Variants in EDIL3 observed in about 807,000 individuals in gnomAD.
EDIL3 encodes EGF like and discoidin domains 3.
EDIL3 carries 37 observed loss-of-function variants against 67.4 expected under a neutral mutation model. The observed-to-expected ratio is 0.55, with a 90% confidence interval of 0.42 to 0.72. The LOEUF is 0.72. Among genes scored for constraint, EDIL3 ranks in the 30% least tolerant of loss-of-function variants. The pLI is 0.00. For synonymous variants in EDIL3, 195 were observed against 196.3 expected (o/e 0.99, Z 0.05); for missense variants, 527 against 586.3 (o/e 0.90, Z 1.04).
At chr5:84,111,833 A>G (rs1434912684) in intron 5 of EDIL3, among the ~76,000 whole-genome samples, 1 of 152,194 alleles carries the variant, frequency 6.6e-6, no homozygotes, top group Non-Finnish European at 1.5e-5. Flanking sequence ...CAGAGAAATA[A>G]GAACATTTTT....
intron 4 of EDIL3, among the ~76,000 whole-genome samples, chr5:84,152,733 A>C (rs1295162890): frequency 6.6e-6 from 1 of 152,208 alleles, no homozygotes; most frequent in Admixed American, 6.5e-5. Context: ...AGGAGGGCTT[A>C]TGTAGTTCTG....
At chr5:84,372,878 A>G (rs1452714626) in intron 1 of EDIL3, among the ~76,000 whole-genome samples, 1 of 152,188 alleles carries the variant, frequency 6.6e-6, no homozygotes, top group Non-Finnish European at 1.5e-5. Flanking sequence ...ATGTGTCAAA[A>G]GCTGTAGGAT....
chr5:84,321,020 T>C (rs542547664), intron 1 of EDIL3, among the ~76,000 whole-genome samples: 83 of 152,314 alleles, frequency 5.4e-4, no homozygotes, highest in African/African-American at 1.9e-3. Flanking sequence ...TAGATATGTT[T>C]TTTCTTTTTA....
intron 9 of EDIL3, among the ~76,000 whole-genome samples, chr5:83,964,513 G>A (rs898448146): frequency 2.6e-5 from 4 of 151,854 alleles, no homozygotes; most frequent in African/African-American, 9.7e-5. Flanking sequence ...GAGATGTAAG[G>A]TAGCCACAAA....
At chr5:84,247,606 T>C (rs1297899803) in intron 2 of EDIL3, among the ~76,000 whole-genome samples, 1 of 152,032 alleles carries the variant, frequency 6.6e-6, no homozygotes, top group Non-Finnish European at 1.5e-5. Context: ...TTAGTGACAA[T>C]ATAGGAGGGT....
intron 6 of EDIL3, among the ~76,000 whole-genome samples, chr5:84,066,982 A>G (rs1171082888): frequency 6.6e-6 from 1 of 152,228 alleles, no homozygotes; most frequent in African/African-American, 2.4e-5. Context: ...TATTGTCAAC[A>G]TAACTATTAA....
chr5:84,219,556 G>T (rs1268471333), intron 3 of EDIL3, among the ~76,000 whole-genome samples: 2 of 152,224 alleles, frequency 1.3e-5, no homozygotes, highest in East Asian at 1.9e-4. Context: ...CAATTTGGAG[G>T]TTCCTCAAAA....
rs113280980 is a variant in EDIL3 at position 84,076,863 on chromosome 5, AAGT to A, written c.652-10260_652-10258del. Reference sequence around the variant, plus strand: ...TCTTTGAAGTAAACATGATACAAAAAAGTAGGGGAAAGGAGTTGTTTACCTTGA... The same window carrying A: ...TCTTTGAAGTAAACATGATACAAAAAAGGGGAAAGGAGTTGTTTACCTTGA... On this transcript the variant is annotated intron_variant, in intron 6 of 10. Coordinates refer to ENST00000296591, the MANE Select transcript of EDIL3 (RefSeq NM_005711.5). Among the ~76,000 whole-genome samples, 87 of 152,296 alleles carry A rather than the reference AAGT, an allele frequency of 5.7e-4. 1 individual carries two copies. The highest frequency in any genetic ancestry group is 2.0e-3 in the African/African-American group (82 of 41,570).
chr5:84,028,732 TG>T (rs1175177771), intron 9 of EDIL3, among the ~76,000 whole-genome samples: 2 of 152,130 alleles, frequency 1.3e-5, no homozygotes, highest in Admixed American at 6.5e-5. Context: ...TATATATTCA[TG>T]TAAACACGGA....
chr5:84,027,374 A>G (rs979292489), intron 9 of EDIL3, among the ~76,000 whole-genome samples: 3 of 152,182 alleles, frequency 2.0e-5, no homozygotes, highest in Non-Finnish European at 1.5e-5. Context: ...GAGAGAGATT[A>G]CAAACACAGC....
chr5:84,089,683 T>G (rs1181370949), intron 6 of EDIL3, among the ~76,000 whole-genome samples: 1 of 152,202 alleles, frequency 6.6e-6, no homozygotes, highest in Non-Finnish European at 1.5e-5. Context: ...AAGTGCCACC[T>G]TAGTCTAAAT....
At chr5:84,348,701 G>A (rs961919521) in intron 1 of EDIL3, among the ~76,000 whole-genome samples, 1 of 151,830 alleles carries the variant, frequency 6.6e-6, no homozygotes, top group Non-Finnish European at 1.5e-5. Flanking sequence ...TTTCCAATGT[G>A]GTAGGTTTCT....
At chr5:84,151,910 T>TC (rs1393107427) in intron 4 of EDIL3, among the ~76,000 whole-genome samples, 2 of 134,356 alleles carry the variant, frequency 1.5e-5, no homozygotes, top group African/African-American at 6.6e-5. Flanking sequence ...TGCTGCTTCT[T>TC]TTTTTTTTTT....
intron 4 of EDIL3, among the ~76,000 whole-genome samples, chr5:84,179,663 G>C (rs1748982076): frequency 6.6e-6 from 1 of 152,042 alleles, no homozygotes; most frequent in South Asian, 2.1e-4. Context: ...CCCTGTCTCT[G>C]ATCAACATTC....
At chr5:84,192,000 A>G (rs904083025) in intron 3 of EDIL3, among the ~76,000 whole-genome samples, 5 of 152,024 alleles carry the variant, frequency 3.3e-5, no homozygotes, top group Non-Finnish European at 7.4e-5. Context: ...CATTAACTTC[A>G]AGCTTTTCGA....
intron 9 of EDIL3, among the ~76,000 whole-genome samples, chr5:84,050,177 G>A (rs13187975): frequency 0.21 from 25,847 of 124,394 alleles, 2,734 homozygotes; most frequent in Middle Eastern, 0.35. Context: ...CAGCCTGGGC[G>A]ACAGAGCGAA....
chr5:84,049,000 T>A (rs1489699916), intron 9 of EDIL3, among the ~76,000 whole-genome samples: 1 of 152,136 alleles, frequency 6.6e-6, no homozygotes, highest in Non-Finnish European at 1.5e-5. Context: ...AAGAAATTAA[T>A]CTTTCTGTTG....
At chr5:84,343,445 G>A (rs1747165543) in intron 1 of EDIL3, among the ~76,000 whole-genome samples, 1 of 151,964 alleles carries the variant, frequency 6.6e-6, no homozygotes, top group African/African-American at 2.4e-5. Context: ...TGCTTTGTCA[G>A]TAATGAATTG....
intron 5 of EDIL3, among the ~76,000 whole-genome samples, chr5:84,132,568 A>G (rs1399230547): frequency 1.5e-4 from 15 of 96,876 alleles, no homozygotes; most frequent in Admixed American, 1.6e-4. Context: ...TATATTTTTA[A>G]TATATAATAT....
Sources: allele counts gnomAD v4.1 joint callset (sites outside exome capture counted in the v4.1 genomes callset), GRCh38; gene constraint gnomAD v4.1.1; transcripts MANE v1.5; gene names NCBI Gene and HGNC (gene_info 2026-07-23, HGNC 2026-07-21).